The following SAMD12 variants were observed in gnomAD, a reference collection of about 807,000 sequenced individuals.
The protein encoded by SAMD12 is sterile alpha motif domain-containing protein 12.
Under a neutral mutation model 15.0 loss-of-function variants are expected in SAMD12, and 9 were observed. The observed-to-expected ratio is 0.60, with a 90% CI of 0.36 to 1.05. The LOEUF is 1.05. Ranked by LOEUF, SAMD12 falls within the 50% of genes least tolerant of loss-of-function variation. The pLI, the probability that SAMD12 is intolerant of heterozygous loss-of-function variation, is 0.01. For missense variants in SAMD12, 230 were observed against 234.2 expected (o/e 0.98, Z 0.12); for synonymous variants, 86 against 90.1 (o/e 0.96, Z 0.25).
At chr8:118,200,859 G>T (rs576389991) in intron 4 of SAMD12, among the ~76,000 whole-genome samples, 2 of 152,082 alleles carry the variant, frequency 1.3e-5, no homozygotes, top group Admixed American at 1.3e-4. Context: ...AGCTCTCATC[G>T]ATCAGGCTGG....
intron 3 of SAMD12, among the ~76,000 whole-genome samples, chr8:118,393,766 T>A (rs1820413274): frequency 6.6e-6 from 1 of 151,750 alleles, no homozygotes; most frequent in Admixed American, 6.6e-5. Flanking sequence ...ACCCAGCTAA[T>A]TTTTTTTGTA....
At chr8:118,493,081 A>G (rs901511277) in intron 2 of SAMD12, among the ~76,000 whole-genome samples, 1 of 152,222 alleles carries the variant, frequency 6.6e-6, no homozygotes, top group Non-Finnish European at 1.5e-5. Context: ...GTGATTTGTT[A>G]GAAGTCAATA....
At chr8:118,225,849 GATA>G (rs1812177847) in intron 4 of SAMD12, among the ~76,000 whole-genome samples, 1 of 152,176 alleles carries the variant, frequency 6.6e-6, no homozygotes, top group Non-Finnish European at 1.5e-5. Context: ...TCCAAGGACA[GATA>G]ATGAGATTGA....
chr8:118,321,143 A>AG (rs1491370440), intron 4 of SAMD12, among the ~76,000 whole-genome samples: 1 of 78,028 alleles, frequency 1.3e-5, no homozygotes, highest in Non-Finnish European at 2.3e-5. Flanking sequence ...CATAGATAAT[A>AG]AATATATATA....
At chr8:118,200,423 A>T (rs886659345) in intron 4 of SAMD12, among the ~76,000 whole-genome samples, 5 of 136,202 alleles carry the variant, frequency 3.7e-5, no homozygotes, top group Non-Finnish European at 6.4e-5. Flanking sequence ...AAAAAAAAAA[A>T]TCAGAGGCTA....
chr8:118,606,943 T>C (rs577012194), intron 1 of SAMD12, among the ~76,000 whole-genome samples: 71 of 152,262 alleles, frequency 4.7e-4, no homozygotes, highest in African/African-American at 1.5e-3. Flanking sequence ...CCCCAGGCTA[T>C]AGGGTCAGAG....
chr8:118,571,073 G>T (rs760751689), intron 2 of SAMD12, among the ~76,000 whole-genome samples: 7 of 152,108 alleles, frequency 4.6e-5, no homozygotes, highest in Admixed American at 1.3e-4. Flanking sequence ...GTCTTAATCA[G>T]CAGCATACAA....
At chr8:118,225,732 C>A (rs1357585146) in intron 4 of SAMD12, among the ~76,000 whole-genome samples, 1 of 151,524 alleles carries the variant, frequency 6.6e-6, no homozygotes, top group Non-Finnish European at 1.5e-5. Context: ...ATAAAACAGT[C>A]CCCCTTTTCA....
intron 3 of SAMD12, among the ~76,000 whole-genome samples, chr8:118,427,840 T>G (rs575008023): frequency 5.3e-5 from 8 of 152,244 alleles, no homozygotes; most frequent in Non-Finnish European, 1.2e-4. Flanking sequence ...ATTAACTTCA[T>G]AAGAAACTTG....
At chr8:118,364,804 T>C (rs1818685103) in intron 4 of SAMD12, among the ~76,000 whole-genome samples, 1 of 152,086 alleles carries the variant, frequency 6.6e-6, no homozygotes, top group Non-Finnish European at 1.5e-5. Context: ...ACCCTCTCCT[T>C]TACCGTTTTT....
chr8:118,248,658 A>G (rs1812752019), intron 4 of SAMD12, among the ~76,000 whole-genome samples: 1 of 151,954 alleles, frequency 6.6e-6, no homozygotes. Context: ...CAGAAGATGT[A>G]CACCCTCTTC....
chr8:118,409,370 A>G (rs1371888129), intron 3 of SAMD12, among the ~76,000 whole-genome samples: 1 of 149,416 alleles, frequency 6.7e-6, no homozygotes, highest in Non-Finnish European at 1.5e-5. Flanking sequence ...CTGAGTACCT[A>G]CTTGTGTCAT....
At chr8:118,134,758 T>C in the SAMD12 span, among the ~76,000 whole-genome samples, 4 of 152,240 alleles carry the variant, frequency 2.6e-5, no homozygotes, top group Admixed American at 6.5e-5. Flanking sequence ...GTCCGCTGTT[T>C]AATCTTCATT....
At chr8:118,604,705 A>AG (rs1827944297) in intron 1 of SAMD12, among the ~76,000 whole-genome samples, 1 of 152,058 alleles carries the variant, frequency 6.6e-6, no homozygotes, top group African/African-American at 2.4e-5. Flanking sequence ...GCGGATGAGG[A>AG]GGTCAGGAGA....
chr8:118,401,531 CCTT>C (rs962279444), intron 3 of SAMD12, among the ~76,000 whole-genome samples: 26 of 142,002 alleles, frequency 1.8e-4, no homozygotes, highest in African/African-American at 3.4e-4. Context: ...CCACAGACTC[CCTT>C]CTTCTTCTTT....
the SAMD12 span, among the ~76,000 whole-genome samples, chr8:118,176,373 T>C: frequency 6.6e-6 from 1 of 152,172 alleles, no homozygotes; most frequent in Admixed American, 6.6e-5. Flanking sequence ...TGTATGTTCA[T>C]CACAGCACTA....
At chr8:118,228,193 T>A (rs541486154) in intron 4 of SAMD12, among the ~76,000 whole-genome samples, 1 of 152,176 alleles carries the variant, frequency 6.6e-6, no homozygotes, top group African/African-American at 2.4e-5. Flanking sequence ...GAAAATAACA[T>A]GGAAAAACCC....
chr8:118,511,932 GC>G (rs1825099972), intron 2 of SAMD12, among the ~76,000 whole-genome samples: 1 of 152,072 alleles, frequency 6.6e-6, no homozygotes, highest in African/African-American at 2.4e-5. Flanking sequence ...AATCAAACTT[GC>G]CCTTTCTGAT....
rs374203867 is a variant in SAMD12, at chr8:118,430,330, G to A, written c.322+9502C>T. Reference sequence around the variant, plus strand: ...GAGTGCAAATGTTTAGAATTGTTACGTCTTCTTGGAGAATGTAACCCTGTA... The same window carrying A: ...GAGTGCAAATGTTTAGAATTGTTACATCTTCTTGGAGAATGTAACCCTGTA... On this transcript the variant is annotated intron_variant, in intron 3 of 3. Coordinates refer to ENST00000314727, the MANE Select transcript of SAMD12 (RefSeq NM_207506.3). Among the ~76,000 whole-genome samples, 253 of 150,122 alleles carry A rather than the reference G, an allele frequency of 1.7e-3. 1 individual carries two copies. In the Middle Eastern group the frequency reaches 0.028, roughly 17 times the overall value.
Sources: gnomAD v4.1 joint callset for allele counts (sites outside exome capture counted in the v4.1 genomes callset) on GRCh38, gnomAD v4.1.1 for gene constraint, MANE v1.5 for transcripts, NCBI Gene and HGNC (gene_info 2026-07-23, HGNC 2026-07-21) for gene names.